The following SGSH variants were observed in gnomAD, a reference collection of about 807,000 sequenced individuals.
SGSH encodes heparan sulfate sulfatase.
In SGSH, 48 loss-of-function variants were observed where a neutral mutation model predicts 51.0. The ratio of observed to expected loss-of-function variants is 0.94; its 90% CI spans 0.75 to 1.20. The LOEUF (loss-of-function observed/expected upper bound fraction) is 1.20, where lower values mean the gene tolerates loss of function less well. SGSH is among the 50% of genes most tolerant of loss of function. The pLI is 0.00. For synonymous variants in SGSH, 321 were observed against 313.4 expected (o/e 1.02, Z -0.26); for missense variants, 662 against 717.8 (o/e 0.92, Z 0.89).
intron 5 of SGSH, 140 bp downstream of exon 5, chr17:80,214,032 C>T (rs1008935649): frequency 7.5e-7 from 1 of 1,342,256 alleles, no homozygotes; most frequent in Non-Finnish European, 1.0e-6. Flanking sequence ...TCTCTGTGGC[C>T]CCGAGGTTGG....
Position 80,212,173 on chromosome 17 carries a change from T to A in SGSH, c.847A>T (p.Thr283Ser). Residue 283 changes from threonine to serine, a missense_variant, in exon 7 of 8, where the codon ACC becomes TCC. Coordinates refer to ENST00000326317, the MANE Select transcript of SGSH (RefSeq NM_000199.5). This position sits in a 1 kb window ranked among gnomAD's most constrained non-coding sequence, Gnocchi z 5.9. ...GCAGTGCCCGGCCAGTACAGGTTGG[T>A]CCTGCCGCTGGGGAAGGGGATCCCG... is the stretch of plus-strand genomic sequence containing the variant. The part of the protein sequence containing the change: ...DNGIPFPSGR[T>S]NLYWPGTAEP... The A allele has an allele frequency of 6.2e-7, 1 of 1,613,382 alleles. No homozygotes were observed. Among genetic ancestry groups the A allele is most frequent in the Non-Finnish European group, 8.5e-7 (1 of 1,180,012 alleles).
downstream of SGSH, chr17:80,205,138 CA>C (rs1174334676): frequency 6.2e-7 from 1 of 1,613,722 alleles, no homozygotes; most frequent in African/African-American, 1.3e-5. Flanking sequence ...TCCTCGTGCC[CA>C]GGGCGGTTGG....
chr17:80,212,417 A>T lies in SGSH; in HGVS notation c.746-143T>A. 6.7e-6 allele frequency: 5 copies of T among 745,856 alleles called. No homozygotes were observed. The Admixed American group carries it at 1.0e-4, about 15-fold the overall frequency. 46.2% of individuals were successfully genotyped at this position (745,856 alleles called of 1,614,324 possible). A position where few individuals can be genotyped will look rare whatever the true frequency, so the allele number is the denominator to read the frequency against. On this transcript the variant is annotated intron_variant, in intron 6 of 7. Coordinates refer to ENST00000326317, the MANE Select transcript of SGSH (RefSeq NM_000199.5). This position sits in a 1 kb window ranked among gnomAD's most constrained non-coding sequence, Gnocchi z 5.9. ...TCGAAAGCACCCTGTAGTTCTTCCC[A>T]ATGGCCCTGGCTCTTGCCCAGCTCT...
downstream of SGSH, chr17:80,208,356 C>A: frequency 6.3e-7 from 1 of 1,579,414 alleles, no homozygotes. Flanking sequence ...TGCACCGTGC[C>A]CCTTCCCGGG....
rs544755648 is a variant in SGSH, at chr17:80,213,034, T to G, written c.746-760A>C. The G allele has an allele frequency of 2.0e-3, 313 of 152,770 alleles. 1 individual carries two copies. The highest frequency in any genetic ancestry group is 3.7e-3 in the Non-Finnish European group (257 of 68,636). The allele number at this position is 152,770 out of a possible 1,614,324, so 9.5% of individuals were successfully genotyped here. A position where few individuals can be genotyped will look rare whatever the true frequency, so the allele number is the denominator to read the frequency against. On this transcript the variant is annotated intron_variant, in intron 6 of 7. Transcript: ENST00000326317. This position sits in a 1 kb window ranked among gnomAD's most constrained non-coding sequence, Gnocchi z 4.6. ...TGAAACCCCGTCTCTACTAAAAATA[T>G]AAAAATTAGCTGGGCATGGTGGCGT...
Position 80,213,947 on chromosome 17 carries a change from T to C in SGSH, c.664-62A>G. Reference sequence around the variant, plus strand: ...CAGACCGGGGGAGCGGTGTCCAGCCTTCTCCCCGGGGCCTCCTGCAAATGG... The same window carrying C: ...CAGACCGGGGGAGCGGTGTCCAGCCCTCTCCCCGGGGCCTCCTGCAAATGG... On this transcript the variant is annotated intron_variant, in intron 5 of 7. Transcript: ENST00000326317. The surrounding 1 kb of genome is among the most constrained non-coding windows in gnomAD (Gnocchi z 4.6). 1 of 1,497,848 alleles carries C rather than the reference T, an allele frequency of 6.7e-7. No homozygotes were observed. Among genetic ancestry groups the C allele is most frequent in the Non-Finnish European group, 9.1e-7 (1 of 1,099,336 alleles). The allele number at this position is 1,497,848 out of a possible 1,614,324, so 92.8% of individuals were successfully genotyped here. A position where few individuals can be genotyped will look rare whatever the true frequency, so the allele number is the denominator to read the frequency against.
rs2041525997 is a variant in SGSH, at chr17:80,209,284, G to C, written c.*1168C>G. ...GTTGGTATCATCATAAATGAGTTCA[G>C]AAAAAGAACTTCTGTATATTTTACT... On this transcript the variant is annotated 3_prime_UTR_variant, in exon 8 of 8. Coordinates refer to ENST00000326317, the MANE Select transcript of SGSH (RefSeq NM_000199.5). 1.0e-5 allele frequency: 10 copies of C among 982,642 alleles called. No homozygotes were observed. Among genetic ancestry groups the C allele is most frequent in the Non-Finnish European group, 1.1e-5 (9 of 827,400 alleles). The allele number at this position is 982,642 out of a possible 1,614,324, so 60.9% of individuals were successfully genotyped here.
chr17:80,205,488 C>T, downstream of SGSH: 3 of 1,566,822 alleles, frequency 1.9e-6, no homozygotes, highest in African/African-American at 1.4e-5. Flanking sequence ...CCCAGACCCC[C>T]ACACAGCTGG....
Position 80,212,605 on chromosome 17 carries a change from T to C in SGSH, c.746-331A>G. ...TCTCGTGTCTGTCCCATGGAGCAAA[T>C]AGGGCAGGGGCCAGAGGACGAGGCT... On this transcript the variant is annotated intron_variant, in intron 6 of 7. Coordinates refer to ENST00000326317, the MANE Select transcript of SGSH (RefSeq NM_000199.5). This position sits in a 1 kb window ranked among gnomAD's most constrained non-coding sequence, Gnocchi z 5.9. 9.6e-6 allele frequency: 4 copies of C among 416,210 alleles called. No homozygotes were observed. Among genetic ancestry groups the C allele is most frequent in the South Asian group, 2.1e-5 (1 of 48,054 alleles). 25.8% of individuals were successfully genotyped at this position (416,210 alleles called of 1,614,324 possible). A position where few individuals can be genotyped will look rare whatever the true frequency, so the allele number is the denominator to read the frequency against.
downstream of SGSH, chr17:80,204,829 G>A (rs2041193705): frequency 1.9e-6 from 1 of 527,472 alleles, no homozygotes; most frequent in East Asian, 3.1e-5. Context: ...GAGCCACAGA[G>A]CTGTGTAACC....
chr17:80,215,185 C>T (rs1281707651), intron 2 of SGSH, 47 bp from the exon 3 acceptor site: 2 of 1,411,562 alleles, frequency 1.4e-6, no homozygotes, highest in East Asian at 2.4e-5. Context: ...ACAGCCAGAG[C>T]CCGCCTGCCG....
chr17:80,220,265 G>A lies in SGSH; in HGVS notation c.49C>T (p.Leu17Phe), dbSNP rs1428433449. 1.3e-6 allele frequency: 2 copies of A among 1,522,912 alleles called. No individual in the cohort carries two copies. Among genetic ancestry groups the A allele is most frequent in the South Asian group, 1.2e-5 (1 of 82,664 alleles). 94.3% of individuals were successfully genotyped at this position (1,522,912 alleles called of 1,614,324 possible). A position where few individuals can be genotyped will look rare whatever the true frequency, so the allele number is the denominator to read the frequency against. The stretch of plus-strand genomic sequence containing the variant: ...GCGTTCCGGGGACGCGCCCGGCAGA[G>A]CCCCAGGACTAGCAGCAGCGCGCAG... ...ACCALLLVLG[L>F]CRARPRNALL... is the part of the protein sequence containing the mutation. The change falls in exon 1 of 8, where the codon CTC becomes TTC. Residue 17 changes from leucine to phenylalanine, a missense_variant. Coordinates refer to ENST00000326317, the MANE Select transcript of SGSH (RefSeq NM_000199.5).
At chr17:80,208,413 C>A, downstream of SGSH, 2 of 1,381,490 alleles carry the variant, frequency 1.4e-6, no homozygotes, top group South Asian at 1.4e-5. Flanking sequence ...TGTTCCTCAG[C>A]CCAGGCCCTC....
At position 80,212,290 on chromosome 17, in the gene SGSH, G is replaced by A. The variant is rs376577518; in HGVS notation, c.746-16C>T. 161 of 1,590,904 alleles carry A rather than the reference G, an allele frequency of 1.0e-4. No individual in the cohort carries two copies. In the African/African-American group the frequency reaches 1.7e-3, roughly 17 times the overall value. ...AGTCCAACTCCTGTGGTGAGGGGCC[G>A]AGAAGCAGAGCTCAGCCGCAGACAC... is the stretch of plus-strand genomic sequence containing the variant. On this transcript the variant is annotated splice_polypyrimidine_tract_variant and intron_variant, in intron 6 of 7. Transcript: ENST00000326317. This position sits in a 1 kb window ranked among gnomAD's most constrained non-coding sequence, Gnocchi z 5.9.
downstream of SGSH, chr17:80,205,036 C>CTCCA (rs781554657): frequency 5.0e-6 from 8 of 1,590,172 alleles, no homozygotes; most frequent in Non-Finnish European, 6.0e-6. Flanking sequence ...CCTCCACAGG[C>CTCCA]TCCAGCACGT....
chr17:80,201,406 C>T, the SGSH span: 70 of 292,180 alleles, frequency 2.4e-4, no homozygotes, highest in Non-Finnish European at 4.2e-4. The surrounding 1 kb of genome is among the most constrained non-coding windows in gnomAD (Gnocchi z 5.0). Flanking sequence ...AAACCTCTAT[C>T]TAGAATGCTC....
downstream of SGSH, chr17:80,208,120 C>G (rs910909016): frequency 1.1e-5 from 17 of 1,502,362 alleles, no homozygotes; most frequent in Non-Finnish European, 1.5e-5. Context: ...CCGCCCCCCC[C>G]AACTCTGGCC....
At position 80,212,670 on chromosome 17, in the gene SGSH, A is replaced by G. The variant is rs796816841; in HGVS notation, c.746-396T>C. On this transcript the variant is annotated intron_variant, in intron 6 of 7. Transcript: ENST00000326317. This position sits in a 1 kb window ranked among gnomAD's most constrained non-coding sequence, Gnocchi z 5.9. ...TCCTTCCCAGCTGGGGCCAGAGGAC[A>G]AGGCTTCCTCTATACCCGCTCCTTC... 1 of 353,160 alleles carries G rather than the reference A, an allele frequency of 2.8e-6. No individual in the cohort carries two copies. The highest frequency in any genetic ancestry group is 2.3e-5 in the South Asian group (1 of 42,978). The allele number at this position is 353,160 out of a possible 1,614,324, so 21.9% of individuals were successfully genotyped here. A position where few individuals can be genotyped will look rare whatever the true frequency, so the allele number is the denominator to read the frequency against.
At chr17:80,205,828 T>G, downstream of SGSH, 1 of 561,680 alleles carries the variant, frequency 1.8e-6, no homozygotes. Context: ...CCAGTTAGGA[T>G]CCACGTGACT....
Sources: allele counts gnomAD v4.1 joint callset, GRCh38; gene constraint gnomAD v4.1.1; non-coding constraint Gnocchi (gnomAD v3.1); transcripts MANE v1.5; gene names NCBI Gene and HGNC (gene_info 2026-07-23, HGNC 2026-07-21).